Variants in CORO1B observed in about 807,000 individuals in gnomAD.
CORO1B encodes the protein coronin-1B.
CORO1B carries 30 observed loss-of-function variants against 51.1 expected under a neutral mutation model. The ratio of observed to expected loss-of-function variants is 0.59; its 90% CI spans 0.44 to 0.80. CORO1B has a LOEUF of 0.80. CORO1B is among the 30% of genes least tolerant of loss of function. The pLI is 0.00. For synonymous variants in CORO1B, 310 were observed against 289.7 expected, an observed-to-expected ratio of 1.07 and a Z score of -0.71; for missense variants, 648 against 700.4, an observed-to-expected ratio of 0.93 and a Z score of 0.84.
chr11:67,441,102 G>A (rs772581680), intron 6 of CORO1B, 23 bp downstream of exon 6: 3 of 1,612,820 alleles, frequency 1.9e-6, no homozygotes, highest in Admixed American at 1.7e-5. Context: ...TCTCAAGTTT[G>A]CCCCCTCAGG....
chr11:67,441,034 G>C (rs760046327), intron 6 of CORO1B, 91 bp downstream of exon 6: 2 of 1,588,184 alleles, frequency 1.3e-6, no homozygotes, highest in Admixed American at 3.3e-5. Context: ...AGAGAAGCTA[G>C]GAACCACAGG....
At chr11:67,440,899 C>A (rs549718664) in intron 6 of CORO1B, 1 of 674,098 alleles carries the variant, frequency 1.5e-6, no homozygotes, top group South Asian at 1.7e-5. Context: ...TTGGCATGAA[C>A]AACATGGGCA....
chr11:67,438,259 T>A lies in CORO1B; in HGVS notation c.*117A>T, dbSNP rs931233628. Reference sequence around the variant, plus strand: ...GCCTGGGACGGGTGGGGGTGGGAACTGACCCCTGCGCTGCCTCAGAGGCTC... The same window carrying A: ...GCCTGGGACGGGTGGGGGTGGGAACAGACCCCTGCGCTGCCTCAGAGGCTC... On this transcript the variant is annotated 3_prime_UTR_variant, in exon 11 of 11. Coordinates refer to ENST00000341356, the MANE Select transcript of CORO1B (RefSeq NM_020441.3). The A allele has an allele frequency of 4.5e-5, 62 of 1,369,904 alleles. No individual in the cohort carries two copies. The highest frequency in any genetic ancestry group is 5.9e-5 in the Non-Finnish European group (60 of 1,011,608). The allele number at this position is 1,369,904 out of a possible 1,614,324, so 84.9% of individuals were successfully genotyped here. A position where few individuals can be genotyped will look rare whatever the true frequency, so the allele number is the denominator to read the frequency against.
In CORO1B at chr11:67,437,693, C is replaced by A; in HGVS notation, c.*683G>T. On this transcript the variant is annotated 3_prime_UTR_variant, in exon 11 of 11. Transcript: ENST00000341356. ...TGTCGAGCGAGAAGTGAGCTCAGTG[C>A]TCGTCTGCAGTGAAGGGTGGCCCAG... is the stretch of plus-strand genomic sequence containing the variant. 7.5e-7 allele frequency: 1 copy of A among 1,332,020 alleles called. No individual in the cohort carries two copies. Among genetic ancestry groups the A allele is most frequent in the Non-Finnish European group, 9.7e-7 (1 of 1,030,858 alleles). 82.5% of individuals were successfully genotyped at this position (1,332,020 alleles called of 1,614,324 possible).
chr11:67,436,551 C>CT lies in CORO1B; in HGVS notation c.*1824dup. On this transcript the variant is annotated 3_prime_UTR_variant, in exon 11 of 11. Transcript: ENST00000341356. The stretch of plus-strand genomic sequence containing the variant: ...AGCCCCCATCCCTCCAGCCTCCTCC[C>CT]TACCACTCACCTCCCCCAACAGCTG... 1 of 525,234 alleles carries CT rather than the reference C, an allele frequency of 1.9e-6. No individual in the cohort carries two copies. The highest frequency in any genetic ancestry group is 3.1e-6 in the Non-Finnish European group (1 of 320,870). The allele number at this position is 525,234 out of a possible 1,614,324, so 32.5% of individuals were successfully genotyped here.
chr11:67,441,220 C>T lies in CORO1B; in HGVS notation c.661G>A (p.Ala221Thr), dbSNP rs1864386755. The T allele has an allele frequency of 4.3e-6, 7 of 1,613,114 alleles. No individual in the cohort carries two copies. The highest frequency in any genetic ancestry group is 5.9e-6 in the Non-Finnish European group (7 of 1,179,982). The change falls in exon 6 of 11, where the codon GCC (alanine) becomes ACC (threonine). Residue 221 changes from alanine to threonine, a missense_variant. Physicochemically the swap from Ala to Thr is moderately conservative, Grantham distance 58 (BLOSUM62 0). Transcript: ENST00000341356. ...VAEREKAHEG[A>T]RPMRAIFLAD... Reference sequence around the variant, plus strand: ...AGGAAGATGGCCCGCATGGGCCGGGCCCCCTCATGAGCCTTCTCCCGCTCC... The same window carrying T: ...AGGAAGATGGCCCGCATGGGCCGGGTCCCCTCATGAGCCTTCTCCCGCTCC...
In CORO1B at chr11:67,441,485, C is replaced by T; in HGVS notation, c.484G>A (p.Val162Met). The change falls in exon 5 of 11, where the codon GTG (valine) becomes ATG (methionine). Residue 162 changes from valine to methionine, a missense_variant. Transcript: ENST00000341356. ...GCDNVVLIWN[V>M]GTAEELYRLD... Reference sequence around the variant, plus strand: ...CGGTACAGCTCCTCCGCTGTGCCCACATTCCAGATGAGTACCACGTTGTCG... The same window carrying T: ...CGGTACAGCTCCTCCGCTGTGCCCATATTCCAGATGAGTACCACGTTGTCG... 6 of 1,613,750 alleles carry T rather than the reference C, an allele frequency of 3.7e-6. No homozygotes were observed. The highest frequency in any genetic ancestry group is 5.1e-6 in the Non-Finnish European group (6 of 1,179,986).
chr11:67,443,725 G>A (rs12799004), upstream of CORO1B: 1 of 985,274 alleles, frequency 1.0e-6, no homozygotes, highest in Non-Finnish European at 1.2e-6. Flanking sequence ...CCGCCGCAGA[G>A]GCGCCGCAGG....
At position 67,440,241 on chromosome 11, in the gene CORO1B, A is replaced by G; in HGVS notation, c.884T>C (p.Phe295Ser). 6.2e-7 allele frequency: 1 copy of G among 1,613,786 alleles called. No individual in the cohort carries two copies. The highest frequency in any genetic ancestry group is 8.5e-7 in the Non-Finnish European group (1 of 1,179,908). ...GTAGGGAGGCTCCTCTGTGATCTCA[A>G]AGTACCGGATGCTGGAGTCACCCTG... ...CGKGDSSIRYFEITEEPPYIH... is the reference protein window; with the variant it reads ...CGKGDSSIRYSEITEEPPYIH... Residue 295 changes from phenylalanine (F) to serine (S), a missense_variant, in exon 8 of 11, where the codon TTT becomes TCT. Transcript: ENST00000341356.
chr11:67,435,525 T>A lies in CORO1B; in HGVS notation c.*2851A>T. The A allele has an allele frequency of 1.3e-6, 1 of 741,102 alleles. No individual in the cohort carries two copies. Among genetic ancestry groups the A allele is most frequent in the Non-Finnish European group, 2.1e-6 (1 of 484,054 alleles). 45.9% of individuals were successfully genotyped at this position (741,102 alleles called of 1,614,324 possible). ...ACCACAGGGCCACAGGCTGAAGGAG[T>A]TTTATTTCAAATGGTTGCCTGATGC... On this transcript the variant is annotated 3_prime_UTR_variant, in exon 11 of 11. Transcript: ENST00000341356.
Position 67,438,732 on chromosome 11 carries a change from G to A in CORO1B, c.1283C>T (p.Ala428Val), listed in dbSNP as rs1196579813. 1.3e-6 allele frequency: 2 copies of A among 1,550,420 alleles called. No homozygotes were observed. Among genetic ancestry groups the A allele is most frequent in the Non-Finnish European group, 1.7e-6 (2 of 1,151,872 alleles). The part of the protein sequence containing the change: ...AMAPGSSHLG[A>V]PASTTTAADA... ...AGCAGCAGTGGTGGTGGAGGCGGGG[G>A]CCCCTAGGTGGGAGGAGCCCGGGGC... Residue 428 changes from alanine (A) to valine (V), a missense_variant, in exon 10 of 11, where the codon GCC (alanine) becomes GTC (valine). Coordinates refer to ENST00000341356, the MANE Select transcript of CORO1B (RefSeq NM_020441.3).
rs1380272612 is a variant in CORO1B at position 67,437,196 on chromosome 11, CGGGGGCTGGG to C, written c.*1170_*1179del. ...CCTGAGGGCCACAGGCGTGCAGGGC[CGGGGGCTGGG>C]GGGGGCTGGGGGAGGCGGGCGCAGC... is the stretch of plus-strand genomic sequence containing the variant. On this transcript the variant is annotated 3_prime_UTR_variant, in exon 11 of 11. Transcript: ENST00000341356. 5 of 157,780 alleles carry C rather than the reference CGGGGGCTGGG, an allele frequency of 3.2e-5. No individual in the cohort carries two copies. The South Asian group carries it at 6.9e-4, about 22-fold the overall frequency. 9.8% of individuals were successfully genotyped at this position (157,780 alleles called of 1,614,324 possible). A position where few individuals can be genotyped will look rare whatever the true frequency, so the allele number is the denominator to read the frequency against.
At chr11:67,441,086 C>A (rs1222850542) in intron 6 of CORO1B, 39 bp downstream of exon 6, 1 of 1,612,586 alleles carries the variant, frequency 6.2e-7, no homozygotes, top group Non-Finnish European at 8.5e-7. Flanking sequence ...CAGGGTGGGG[C>A]CCAAGTCTCA....
chr11:67,442,636 G>A lies in CORO1B; in HGVS notation c.-2-6C>T, dbSNP rs367836155. 2 of 1,612,974 alleles carry A rather than the reference G, an allele frequency of 1.2e-6. No homozygotes were observed. Among genetic ancestry groups the A allele is most frequent in the Non-Finnish European group, 1.7e-6 (2 of 1,179,746 alleles). ...CACTTTGCGGAAGGACATGTCTGCG[G>A]GACAGAGAGGCCTGGGTCAGTCCGG... On this transcript the variant is annotated splice_region_variant and splice_polypyrimidine_tract_variant and intron_variant, in intron 1 of 10. Coordinates refer to ENST00000341356, the MANE Select transcript of CORO1B (RefSeq NM_020441.3).
At chr11:67,439,085 C>G in intron 9 of CORO1B, 136 bp from the exon 10 acceptor site, 1 of 1,031,148 alleles carries the variant, frequency 9.7e-7, no homozygotes, top group Non-Finnish European at 1.4e-6. Context: ...TGGCCTTTAA[C>G]TTCCTTTCTG....
chr11:67,442,323 C>A, intron 2 of CORO1B, 105 bp downstream of exon 2: 1 of 1,333,700 alleles, frequency 7.5e-7, no homozygotes, highest in Non-Finnish European at 1.0e-6. Flanking sequence ...ATAACACCTG[C>A]CCAGCAGTGT....
chr11:67,442,725 G>A, intron 1 of CORO1B, 95 bp from the exon 2 acceptor site: 1 of 1,300,016 alleles, frequency 7.7e-7, no homozygotes, highest in Non-Finnish European at 1.1e-6. Context: ...TGCAACCGGG[G>A]GCCAGGCCAC....
rs1864248890 is a variant in CORO1B at position 67,435,607 on chromosome 11, T to A, written c.*2769A>T. On this transcript the variant is annotated 3_prime_UTR_variant, in exon 11 of 11. Coordinates refer to ENST00000341356, the MANE Select transcript of CORO1B (RefSeq NM_020441.3). ...GCGGGGTACACATGGACTTGGGAAC[T>A]GGTAGGGGGTGACAGTCTGAGGCAT... 1 of 1,398,208 alleles carries A rather than the reference T, an allele frequency of 7.2e-7. No homozygotes were observed. The highest frequency in any genetic ancestry group is 2.5e-5 in the Admixed American group (1 of 39,750). The allele number at this position is 1,398,208 out of a possible 1,614,324, so 86.6% of individuals were successfully genotyped here.
Position 67,442,424 on chromosome 11 carries a change from C to T in CORO1B, c.201+4G>A. 6.2e-7 allele frequency: 1 copy of T among 1,612,862 alleles called. No homozygotes were observed. The highest frequency in any genetic ancestry group is 8.5e-7 in the Non-Finnish European group (1 of 1,179,902). ...CCTCTTCCCCCAACCCTGACAGGAC[C>T]CACCTTGCTTAGGGGGAGCACCAGA... On this transcript the variant is annotated splice_donor_region_variant and intron_variant, in intron 2 of 10. Transcript: ENST00000341356.
Sources: allele counts gnomAD v4.1 joint callset, GRCh38; gene constraint gnomAD v4.1.1; transcripts MANE v1.5; gene names NCBI Gene and HGNC (gene_info 2026-07-23, HGNC 2026-07-21).